Variants in VTI1A observed in about 807,000 individuals in gnomAD.
VTI1A encodes vesicle transport through interaction with t-SNAREs 1A, also known as vesicle transport through interaction with t-SNAREs homolog 1A.
In VTI1A, 22 loss-of-function variants were observed where a neutral mutation model predicts 34.9. The ratio of observed to expected loss-of-function variants is 0.63; its 90% CI spans 0.45 to 0.90. VTI1A has a LOEUF of 0.90. VTI1A is among the 40% of genes least tolerant of loss of function. VTI1A has a pLI of 0.00. For missense variants in VTI1A, 268 were observed against 275.6 expected (o/e 0.97, Z 0.20); for synonymous variants, 87 against 97.3 (o/e 0.89, Z 0.62).
chr10:112,619,327 C>T (rs759894679), intron 5 of VTI1A, among the ~76,000 whole-genome samples: 2 of 151,860 alleles, frequency 1.3e-5, no homozygotes, highest in Non-Finnish European at 2.9e-5. Flanking sequence ...TTCCTCTAAC[C>T]CAGGTACCTG....
chr10:112,778,173 C>T (rs776248779), intron 7 of VTI1A, among the ~76,000 whole-genome samples: 3 of 152,172 alleles, frequency 2.0e-5, no homozygotes, highest in African/African-American at 7.2e-5. Flanking sequence ...TCACATTACT[C>T]TAGAAAGTGA....
At chr10:112,813,952 G>C (rs1853415160) in intron 7 of VTI1A, among the ~76,000 whole-genome samples, 1 of 152,152 alleles carries the variant, frequency 6.6e-6, no homozygotes, top group Non-Finnish European at 1.5e-5. Flanking sequence ...CAGGAGGAGA[G>C]AGAGCTCGTC....
chr10:112,693,969 A>G (rs1277877568), intron 7 of VTI1A, among the ~76,000 whole-genome samples: 1 of 152,052 alleles, frequency 6.6e-6, no homozygotes, highest in Non-Finnish European at 1.5e-5. Context: ...AGCACTTTGG[A>G]AGGCCAAGGT....
rs553324482 is a variant in VTI1A at position 112,499,531 on chromosome 10, C to G, written c.265-27556C>G. ...TTCAAAATTATATCTCTAGCCTAGACTTTCACATTGCATTCTCCACCATTT... is the reference window on the plus strand; with the variant it reads ...TTCAAAATTATATCTCTAGCCTAGAGTTTCACATTGCATTCTCCACCATTT... On this transcript the variant is annotated intron_variant, in intron 3 of 7. Transcript: ENST00000393077. Among the ~76,000 whole-genome samples, 14 of 152,342 alleles carry G rather than the reference C, an allele frequency of 9.2e-5. No homozygotes were observed. In the East Asian group the frequency reaches 2.1e-3, roughly 23 times the overall value.
intron 5 of VTI1A, among the ~76,000 whole-genome samples, chr10:112,619,060 A>G (rs1249749425): frequency 8.2e-6 from 1 of 122,076 alleles, no homozygotes; most frequent in African/African-American, 3.1e-5. Context: ...ATTAGTAAAC[A>G]CAGTTTTTTT....
rs1310807159 is a variant in VTI1A, at chr10:112,506,950, G to T, written c.265-20137G>T. Among the ~76,000 whole-genome samples the T allele has an allele frequency of 1.5e-4, 22 of 148,894 alleles. 1 individual carries two copies. Among genetic ancestry groups the T allele is most frequent in the Admixed American group, 1.5e-3 (22 of 15,036 alleles). Reference sequence around the variant, plus strand: ...AAGCTGTATTTTTTTGGTTTTTATGGGTGTTTTTTTTTTTGCTTCTTCATG... The same window carrying T: ...AAGCTGTATTTTTTTGGTTTTTATGTGTGTTTTTTTTTTTGCTTCTTCATG... On this transcript the variant is annotated intron_variant, in intron 3 of 7. Coordinates refer to ENST00000393077, the MANE Select transcript of VTI1A (RefSeq NM_145206.4).
At chr10:112,848,763 A>G in the VTI1A span, among the ~76,000 whole-genome samples, 1 of 152,190 alleles carries the variant, frequency 6.6e-6, no homozygotes, top group African/African-American at 2.4e-5. Context: ...ACAGAAGTAC[A>G]TACGGAGCCC....
intron 5 of VTI1A, chr10:112,548,709 C>A: frequency 7.6e-7 from 1 of 1,307,692 alleles, no homozygotes. Context: ...TTGATGACAC[C>A]CACAGCAACT....
At chr10:112,606,189 C>T (rs2134492220) in intron 5 of VTI1A, among the ~76,000 whole-genome samples, 1 of 152,032 alleles carries the variant, frequency 6.6e-6, no homozygotes, top group South Asian at 2.1e-4. Context: ...CCACCCCTGG[C>T]TAATTTTGTA....
chr10:112,447,412 G>T lies in VTI1A; in HGVS notation c.39G>T (p.Ala13=). Residue 13 remains alanine, a synonymous_variant, in exon 1 of 8, where the codon GCG becomes GCT. Transcript: ENST00000393077. The part of the protein sequence containing the change: ...SDFEGYEQDF[A]VLTAEITSKI... ...TCGAAGGTTACGAGCAGGACTTCGCGGTGCTCACTGCAGAGATCACCAGCA... is the reference window on the plus strand; with the variant it reads ...TCGAAGGTTACGAGCAGGACTTCGCTGTGCTCACTGCAGAGATCACCAGCA... 1.2e-6 allele frequency: 2 copies of T among 1,613,646 alleles called. No individual in the cohort carries two copies. Among genetic ancestry groups the T allele is most frequent in the Non-Finnish European group, 1.7e-6 (2 of 1,179,978 alleles).
intron 3 of VTI1A, among the ~76,000 whole-genome samples, chr10:112,491,747 C>G (rs1848831876): frequency 6.6e-6 from 1 of 152,106 alleles, no homozygotes; most frequent in South Asian, 2.1e-4. Flanking sequence ...TTCTGACTAT[C>G]CATATTTCAA....
intron 7 of VTI1A, among the ~76,000 whole-genome samples, chr10:112,742,309 C>G (rs979419007): frequency 2.6e-5 from 4 of 152,166 alleles, no homozygotes; most frequent in Non-Finnish European, 5.9e-5. Context: ...ATTGCTTTTT[C>G]AACTAAAGCA....
rs145822432 is a variant in VTI1A, at chr10:112,611,626, G to A, written c.428-56592G>A. On this transcript the variant is annotated intron_variant, in intron 5 of 7. Coordinates refer to ENST00000393077, the MANE Select transcript of VTI1A (RefSeq NM_145206.4). Reference sequence around the variant, plus strand: ...GTCAGCACCTAAATTGATGTTTTTCGCATATAAAAACCAAATCTAGAAAGA... The same window carrying A: ...GTCAGCACCTAAATTGATGTTTTTCACATATAAAAACCAAATCTAGAAAGA... 6.5e-3 allele frequency among the ~76,000 whole-genome samples: 984 copies of A among 151,708 alleles called. 13 individuals are homozygous for A. The highest frequency in any genetic ancestry group is 0.023 in the African/African-American group (941 of 41,282).
intron 5 of VTI1A, among the ~76,000 whole-genome samples, chr10:112,599,060 A>G (rs760428454): frequency 5.3e-5 from 8 of 152,164 alleles, no homozygotes; most frequent in Non-Finnish European, 7.3e-5. Flanking sequence ...CTTTGACTGT[A>G]TTTTGAGGGT....
chr10:112,643,172 T>C (rs1001905350), intron 5 of VTI1A, among the ~76,000 whole-genome samples: 10 of 148,728 alleles, frequency 6.7e-5, no homozygotes, highest in Admixed American at 2.0e-4. Context: ...TTCTTTTTTT[T>C]TTTTTGTAGA....
chr10:112,569,198 T>A (rs1162183838), intron 5 of VTI1A, among the ~76,000 whole-genome samples: 1 of 152,032 alleles, frequency 6.6e-6, no homozygotes, highest in Non-Finnish European at 1.5e-5. Flanking sequence ...TCAAGTAGGT[T>A]AATTGTGTGC....
Position 112,632,193 on chromosome 10 carries a change from G to A in VTI1A, c.428-36025G>A, listed in dbSNP as rs181218157. On this transcript the variant is annotated intron_variant, in intron 5 of 7. Transcript: ENST00000393077. Reference sequence around the variant, plus strand: ...TAATAAACATCCTGGAATGTATTGCGTAGTCTTTTACAACACTCCCTGATC... The same window carrying A: ...TAATAAACATCCTGGAATGTATTGCATAGTCTTTTACAACACTCCCTGATC... Among the ~76,000 whole-genome samples, 15 of 152,204 alleles carry A rather than the reference G, an allele frequency of 9.9e-5. 1 individual carries two copies. Among genetic ancestry groups the A allele is most frequent in the African/African-American group, 2.4e-4 (10 of 41,512 alleles).
intron 7 of VTI1A, among the ~76,000 whole-genome samples, chr10:112,690,179 T>A (rs1024368407): frequency 3.3e-5 from 5 of 152,236 alleles, no homozygotes; most frequent in Non-Finnish European, 5.9e-5. Context: ...AATGTGTAAG[T>A]TGCTTCCAGT....
At chr10:112,536,978 T>C (rs1850650130) in intron 4 of VTI1A, among the ~76,000 whole-genome samples, 1 of 152,050 alleles carries the variant, frequency 6.6e-6, no homozygotes, top group Non-Finnish European at 1.5e-5. Context: ...CTAGGTGTAT[T>C]AGCTTAAGTG....
Sources: allele counts gnomAD v4.1 joint callset (sites outside exome capture counted in the v4.1 genomes callset), GRCh38; gene constraint gnomAD v4.1.1; transcripts MANE v1.5; gene names NCBI Gene and HGNC (gene_info 2026-07-23, HGNC 2026-07-21).